Variants in PLEKHG3 observed in about 807,000 individuals in gnomAD.
PLEKHG3 encodes the protein pleckstrin homology domain-containing family G member 3.
A neutral mutation model predicts 94.9 loss-of-function variants in PLEKHG3; 62 were observed. That is an observed-to-expected ratio of 0.65 (90% CI 0.53 to 0.81). PLEKHG3 has a LOEUF of 0.81. PLEKHG3 is among the 30% of genes least tolerant of loss of function. The pLI, the probability that PLEKHG3 is intolerant of heterozygous loss-of-function variation, is 0.00. For synonymous variants in PLEKHG3, 614 were observed against 654.0 expected (o/e 0.94, Z 0.93); for missense variants, 1,461 against 1,619.3 (o/e 0.90, Z 1.68).
chr14:64,734,528 A>G (rs61989860), intron 12 of PLEKHG3, among the ~76,000 whole-genome samples: 5,394 of 152,290 alleles, frequency 0.035, 137 homozygotes, highest in Non-Finnish European at 0.053. Flanking sequence ...TTATATTTCA[A>G]TAAAGCTGTT....
intron 12 of PLEKHG3, among the ~76,000 whole-genome samples, chr14:64,735,911 G>A (rs1325506866): frequency 6.6e-6 from 1 of 152,246 alleles, no homozygotes; most frequent in East Asian, 1.9e-4. Flanking sequence ...TGAAAGAATA[G>A]AACATTTTCT....
chr14:64,745,146 A>C lies in PLEKHG3; in HGVS notation c.*1443A>C, dbSNP rs1015211495. The C allele has an allele frequency of 6.6e-6, 1 of 152,252 alleles. No individual in the cohort carries two copies. The allele number at this position is 152,252 out of a possible 1,614,324, so 9.4% of individuals were successfully genotyped here. ...GTCTGCAACATTGGATGAGGAGTAC[A>C]AGTGCATTTTTCTGGGATGATTCCT... On this transcript the variant is annotated 3_prime_UTR_variant, in exon 17 of 17. Coordinates refer to ENST00000247226, the MANE Select transcript of PLEKHG3 (RefSeq NM_001308147.2). This position sits in a 1 kb window ranked among gnomAD's most constrained non-coding sequence, Gnocchi z 5.0.
chr14:64,726,694 C>T lies in PLEKHG3; in HGVS notation c.-39-899C>T, dbSNP rs1424342666. Among the ~76,000 whole-genome samples, 1 of 152,164 alleles carries T rather than the reference C, an allele frequency of 6.6e-6. No homozygotes were observed. ...CCCCGCCCAGCTGTGCCAAGGGGAG[C>T]TTACAGAGACTCACTGATGGCTTAG... On this transcript the variant is annotated intron_variant, in intron 1 of 16. Transcript: ENST00000247226. The surrounding 1 kb of genome is among the most constrained non-coding windows in gnomAD (Gnocchi z 5.1).
Position 64,741,335 on chromosome 14 carries a change from G to A in PLEKHG3, c.1818G>A (p.Ala606=), listed in dbSNP as rs776133183. The A allele has an allele frequency of 3.8e-5, 62 of 1,613,542 alleles. No individual in the cohort carries two copies. In the Middle Eastern group the frequency reaches 9.9e-4, roughly 26 times the overall value. The stretch of plus-strand genomic sequence containing the variant: ...TGCTGGACCAGGCCAGCGTCATTGC[G>A]GAGCGATTTGTCAGCAGCTTCTCTC... The part of the protein sequence containing the change: ...PSVLDQASVI[A]ERFVSSFSRR... Residue 606 remains alanine, a synonymous_variant, in exon 16 of 17, where the codon GCG becomes GCA. Coordinates refer to ENST00000247226, the MANE Select transcript of PLEKHG3 (RefSeq NM_001308147.2).
chr14:64,715,730 G>A lies in PLEKHG3; in HGVS notation c.-40+11026G>A. 3.5e-6 allele frequency: 1 copy of A among 284,268 alleles called. No homozygotes were observed. Among genetic ancestry groups the A allele is most frequent in the Non-Finnish European group, 6.9e-6 (1 of 144,746 alleles). 17.6% of individuals were successfully genotyped at this position (284,268 alleles called of 1,614,324 possible). On this transcript the variant is annotated intron_variant, in intron 1 of 16. Transcript: ENST00000247226. This position sits in a 1 kb window ranked among gnomAD's most constrained non-coding sequence, Gnocchi z 4.4. ...TATCCCCTGTGCTTAATTGCTGGAG[G>A]TTTGTGCAGGTCCTCAGCCCTGTGG...
rs747567053 is a variant in PLEKHG3, at chr14:64,741,497, C to T, written c.1980C>T (p.Ser660=). 16 of 1,612,762 alleles carry T rather than the reference C, an allele frequency of 9.9e-6. No individual in the cohort carries two copies. The Admixed American group carries it at 1.2e-4, about 12-fold the overall frequency. ...GLARHGSATD[S]LSCQLSPEVD... ...CCCGGCATGGCAGTGCCACAGACTC[C>T]CTCAGCTGTCAGCTCTCCCCAGAAG... Residue 660 remains serine, a synonymous_variant, in exon 16 of 17, where the codon TCC becomes TCT. Coordinates refer to ENST00000247226, the MANE Select transcript of PLEKHG3 (RefSeq NM_001308147.2).
intron 1 of PLEKHG3, among the ~76,000 whole-genome samples, chr14:64,719,269 T>C (rs901830301): frequency 4.6e-5 from 7 of 152,072 alleles, no homozygotes; most frequent in African/African-American, 1.7e-4. Flanking sequence ...TCAAACATGG[T>C]AGGTACAAGG....
At chr14:64,729,584 C>T (rs1376237109) in intron 3 of PLEKHG3, among the ~76,000 whole-genome samples, 1 of 152,196 alleles carries the variant, frequency 6.6e-6, no homozygotes, top group Non-Finnish European at 1.5e-5. Flanking sequence ...GCATGGGTCT[C>T]CTGCCTGGGA....
In PLEKHG3 at chr14:64,747,572, A is replaced by G. The variant is rs1286986831; in HGVS notation, c.*3869A>G. 1 of 152,416 alleles carries G rather than the reference A, an allele frequency of 6.6e-6. No homozygotes were observed. Among genetic ancestry groups the G allele is most frequent in the East Asian group, 1.9e-4 (1 of 5,180 alleles). 9.4% of individuals were successfully genotyped at this position (152,416 alleles called of 1,614,324 possible). Reference sequence around the variant, plus strand: ...GCTGCAGTTGGTGTCACCCTGACATATAGTGTCAGGGCCACAGGGTGGAAC... The same window carrying G: ...GCTGCAGTTGGTGTCACCCTGACATGTAGTGTCAGGGCCACAGGGTGGAAC... On this transcript the variant is annotated 3_prime_UTR_variant, in exon 17 of 17. Transcript: ENST00000247226.
In PLEKHG3 at chr14:64,747,974, G is replaced by T. The variant is rs556872379; in HGVS notation, c.*4271G>T. 1 of 152,184 alleles carries T rather than the reference G, an allele frequency of 6.6e-6. No homozygotes were observed. The highest frequency in any genetic ancestry group is 2.4e-5 in the African/African-American group (1 of 41,406). 9.4% of individuals were successfully genotyped at this position (152,184 alleles called of 1,614,324 possible). A position where few individuals can be genotyped will look rare whatever the true frequency, so the allele number is the denominator to read the frequency against. ...CAAGGGGAAGGCCATTCCTGGGGAC[G>T]TTGGTTGCAGAGCTTCTGGTGCTCA... is the stretch of plus-strand genomic sequence containing the variant. On this transcript the variant is annotated 3_prime_UTR_variant, in exon 17 of 17. Coordinates refer to ENST00000247226, the MANE Select transcript of PLEKHG3 (RefSeq NM_001308147.2).
In PLEKHG3 at chr14:64,741,603, G is replaced by A. The variant is rs753573774; in HGVS notation, c.2086G>A (p.Glu696Lys). The A allele has an allele frequency of 6.2e-7, 1 of 1,612,958 alleles. No homozygotes were observed. Among genetic ancestry groups the A allele is most frequent in the South Asian group, 1.1e-5 (1 of 91,078 alleles). Residue 696 changes from glutamate to lysine, a missense_variant, in exon 16 of 17, where the codon GAG (glutamate) becomes AAG (lysine). Glu to Lys is a moderately conservative substitution (Grantham distance 56). Around this residue, in one of 3 missense-constraint regions of PLEKHG3, gnomAD observed 1,201 missense variants for 1,295.5 expected, o/e 0.93. Coordinates refer to ENST00000247226, the MANE Select transcript of PLEKHG3 (RefSeq NM_001308147.2). ...MEPPSPGCPV[E>K]PDRSSCKKKE... Reference sequence around the variant, plus strand: ...GCCCCCAAGCCCAGGCTGCCCAGTGGAGCCTGACCGGTCTTCCTGCAAGAA... The same window carrying A: ...GCCCCCAAGCCCAGGCTGCCCAGTGAAGCCTGACCGGTCTTCCTGCAAGAA...
chr14:64,750,197 G>GTATC lies in PLEKHG3; in HGVS notation c.*6496_*6499dup, dbSNP rs2081923722. The stretch of plus-strand genomic sequence containing the variant: ...GGCAGGTCACCCACATCCTGATATG[G>GTATC]TATCTCTAGAGTCAATTCCTATAGC... On this transcript the variant is annotated 3_prime_UTR_variant, in exon 17 of 17. Transcript: ENST00000247226. 6.3e-7 allele frequency: 1 copy of GTATC among 1,598,112 alleles called. No homozygotes were observed. Among genetic ancestry groups the GTATC allele is most frequent in the African/African-American group, 1.3e-5 (1 of 74,432 alleles).
At chr14:64,742,913 G>A (rs2081737452) in intron 16 of PLEKHG3, 69 bp from the exon 17 acceptor site, 14 of 1,543,550 alleles carry the variant, frequency 9.1e-6, no homozygotes, top group Middle Eastern at 2.0e-4. Context: ...GTTGGGGCCT[G>A]CTCAGAGCAC....
rs1218546660 is a variant in PLEKHG3 at position 64,736,902 on chromosome 14, G to C, written c.1384+11G>C. On this transcript the variant is annotated intron_variant, in intron 13 of 16. Coordinates refer to ENST00000247226, the MANE Select transcript of PLEKHG3 (RefSeq NM_001308147.2). Reference sequence around the variant, plus strand: ...AACTCAACGAGAAAGGTGAGTGTGTGAGGTGGCCAGCCATTCCCAGTGAGC... The same window carrying C: ...AACTCAACGAGAAAGGTGAGTGTGTCAGGTGGCCAGCCATTCCCAGTGAGC... 1.2e-6 allele frequency: 2 copies of C among 1,609,498 alleles called. No individual in the cohort carries two copies. The highest frequency in any genetic ancestry group is 4.5e-5 in the East Asian group (2 of 44,880).
chr14:64,708,204 C>T (rs1285466220), intron 1 of PLEKHG3, among the ~76,000 whole-genome samples: 1 of 152,164 alleles, frequency 6.6e-6, no homozygotes, highest in Non-Finnish European at 1.5e-5. Flanking sequence ...GTCCTATGCC[C>T]ACCCCCATCC....
chr14:64,749,321 G>T lies in PLEKHG3; in HGVS notation c.*5618G>T. 6.2e-7 allele frequency: 1 copy of T among 1,605,960 alleles called. No individual in the cohort carries two copies. Among genetic ancestry groups the T allele is most frequent in the South Asian group, 1.1e-5 (1 of 90,238 alleles). On this transcript the variant is annotated 3_prime_UTR_variant, in exon 17 of 17. Transcript: ENST00000247226. The surrounding 1 kb of genome is among the most constrained non-coding windows in gnomAD (Gnocchi z 4.7). ...GCCCCACCTGCTACTTCTTTTTGGG[G>T]AAGAAGCTGAATCTCTTCTCCTTGT...
chr14:64,716,454 AC>A lies in PLEKHG3; in HGVS notation c.-39-11138del, dbSNP rs1233374777. 3.5e-3 allele frequency among the ~76,000 whole-genome samples: 483 copies of A among 137,288 alleles called. 6 individuals carry two copies. Among genetic ancestry groups the A allele is most frequent in the African/African-American group, 0.014 (464 of 33,888 alleles). The allele number at this position is 137,288 out of a possible 152,430, so 90.1% of individuals were successfully genotyped here. On this transcript the variant is annotated intron_variant, in intron 1 of 16. Coordinates refer to ENST00000247226, the MANE Select transcript of PLEKHG3 (RefSeq NM_001308147.2). This position sits in a 1 kb window ranked among gnomAD's most constrained non-coding sequence, Gnocchi z 5.0. ...GGGCCCTACACACACACACACACAC[AC>A]ACACACACACAACACACACACACAC...
In PLEKHG3 at chr14:64,726,072, G is replaced by A. The variant is rs983554287; in HGVS notation, c.-39-1521G>A. On this transcript the variant is annotated intron_variant, in intron 1 of 16. Transcript: ENST00000247226. This position sits in a 1 kb window ranked among gnomAD's most constrained non-coding sequence, Gnocchi z 5.1. ...GGATATTGGAAGGTTCCTGGAGGGG[G>A]CGATGTCTAATTGGAGACCTAAAGA... is the stretch of plus-strand genomic sequence containing the variant. Among the ~76,000 whole-genome samples, 1 of 152,156 alleles carries A rather than the reference G, an allele frequency of 6.6e-6. No homozygotes were observed. Among genetic ancestry groups the A allele is most frequent in the African/African-American group, 2.4e-5 (1 of 41,426 alleles).
At chr14:64,733,247 C>T (rs138755602) in intron 12 of PLEKHG3, among the ~76,000 whole-genome samples, 218 of 151,096 alleles carry the variant, frequency 1.4e-3, no homozygotes, top group African/African-American at 5.0e-3. Context: ...TCACTGCAAC[C>T]TCTGCCTCCT....
Sources: allele counts gnomAD v4.1 joint callset (sites outside exome capture counted in the v4.1 genomes callset), GRCh38; gene constraint gnomAD v4.1.1; regional missense constraint gnomAD v4.1.1; non-coding constraint Gnocchi (gnomAD v3.1); transcripts MANE v1.5; gene names NCBI Gene and HGNC (gene_info 2026-07-23, HGNC 2026-07-21).